GALNTL6: variants seen among roughly 807,000 people sequenced by gnomAD.
GALNTL6 encodes the protein polypeptide N-acetylgalactosaminyltransferase-like 6.
In GALNTL6, 46 loss-of-function variants were observed where a neutral mutation model predicts 73.7. The observed-to-expected ratio is 0.62, with a 90% CI of 0.49 to 0.80. GALNTL6 has a LOEUF of 0.80. Among genes scored for constraint, GALNTL6 ranks in the 30% least tolerant of loss-of-function variants. The pLI is 0.00. For synonymous variants in GALNTL6, 259 were observed against 263.7 expected, an observed-to-expected ratio of 0.98 and a Z score of 0.17; for missense variants, 604 against 755.0, an observed-to-expected ratio of 0.80 and a Z score of 2.34.
intron 11 of GALNTL6, among the ~76,000 whole-genome samples, chr4:173,015,380 G>A (rs1752740137): frequency 1.3e-5 from 2 of 152,210 alleles, no homozygotes; most frequent in African/African-American, 2.4e-5. Flanking sequence ...ATGTGAGAAA[G>A]TTTGGAACTT....
At chr4:172,676,434 C>T (rs930011926) in intron 5 of GALNTL6, among the ~76,000 whole-genome samples, 12 of 152,150 alleles carry the variant, frequency 7.9e-5, no homozygotes, top group African/African-American at 1.2e-4. Flanking sequence ...TGAAAATAGA[C>T]GTCTATTCTA....
chr4:172,339,216 CAG>C (rs1482087816), intron 4 of GALNTL6, among the ~76,000 whole-genome samples: 12 of 150,870 alleles, frequency 8.0e-5, no homozygotes, highest in Admixed American at 7.9e-4. Context: ...ACCTTCATCT[CAG>C]GGGAGCAGGC....
At chr4:172,087,467 A>AC (rs1348734631) in intron 2 of GALNTL6, among the ~76,000 whole-genome samples, 7 of 149,194 alleles carry the variant, frequency 4.7e-5, no homozygotes, top group African/African-American at 1.8e-4. Context: ...AACAAAAAAA[A>AC]CAAAAAAAAC....
intron 2 of GALNTL6, among the ~76,000 whole-genome samples, chr4:172,161,844 G>A (rs191540859): frequency 6.6e-6 from 1 of 152,050 alleles, no homozygotes; most frequent in Non-Finnish European, 1.5e-5. Context: ...CACTTGTAAC[G>A]ACAAGTCAGT....
chr4:172,048,378 G>A (rs953473007), intron 2 of GALNTL6, among the ~76,000 whole-genome samples: 16 of 151,968 alleles, frequency 1.1e-4, no homozygotes, highest in African/African-American at 3.9e-4. Context: ...AACTATTTTG[G>A]GTTAAATTTT....
intron 5 of GALNTL6, among the ~76,000 whole-genome samples, chr4:172,472,474 T>C (rs976116189): frequency 2.0e-5 from 3 of 152,142 alleles, no homozygotes; most frequent in African/African-American, 7.2e-5. Context: ...GGTTTAAGTG[T>C]GTCCTTAAAC....
chr4:172,425,571 A>G (rs1731198447), intron 5 of GALNTL6, among the ~76,000 whole-genome samples: 1 of 152,188 alleles, frequency 6.6e-6, no homozygotes, highest in African/African-American at 2.4e-5. Flanking sequence ...TGTAATTTGA[A>G]CAAGCATGAC....
At chr4:172,324,144 G>T (rs1038803883) in intron 4 of GALNTL6, among the ~76,000 whole-genome samples, 2 of 148,852 alleles carry the variant, frequency 1.3e-5, no homozygotes, top group East Asian at 3.9e-4. Context: ...TTTACATGAT[G>T]TGTGTGTGTA....
chr4:172,993,145 T>C (rs6841441), intron 10 of GALNTL6, among the ~76,000 whole-genome samples: 15,346 of 152,256 alleles, frequency 0.1, 1,153 homozygotes, highest in Admixed American at 0.24. Flanking sequence ...ATTGTCTGTG[T>C]TTGAAGATAG....
chr4:171,844,419 A>C (rs531410968), intron 2 of GALNTL6, among the ~76,000 whole-genome samples: 85 of 151,848 alleles, frequency 5.6e-4, no homozygotes, highest in Non-Finnish European at 8.0e-4. Flanking sequence ...TTCTTGGGAA[A>C]CCCTGGTAGT....
intron 5 of GALNTL6, among the ~76,000 whole-genome samples, chr4:172,720,411 C>T (rs1340123455): frequency 6.6e-6 from 1 of 152,190 alleles, no homozygotes; most frequent in Non-Finnish European, 1.5e-5. Context: ...CTCCTCACTG[C>T]TGCAAACATC....
intron 5 of GALNTL6, among the ~76,000 whole-genome samples, chr4:172,765,788 A>G (rs1225593739): frequency 2.0e-5 from 3 of 152,120 alleles, no homozygotes; most frequent in Non-Finnish European, 4.4e-5. Flanking sequence ...ATATCTCTTC[A>G]TACTCATCCA....
intron 3 of GALNTL6, among the ~76,000 whole-genome samples, chr4:172,305,324 T>C (rs189257442): frequency 3.2e-4 from 49 of 152,256 alleles, no homozygotes; most frequent in Admixed American, 3.1e-3. Flanking sequence ...AAGACAGCAA[T>C]TTTTCTGCTT....
chr4:171,848,121 A>G (rs1735422287), intron 2 of GALNTL6, among the ~76,000 whole-genome samples: 1 of 152,234 alleles, frequency 6.6e-6, no homozygotes, highest in Admixed American at 6.5e-5. Flanking sequence ...TAGATGTTGC[A>G]CTGGCAGCCA....
In GALNTL6 at chr4:172,377,619, G is replaced by A. The variant is rs191947301; in HGVS notation, c.553+28930G>A. ...CCCATCAGGGAGGCTCGGGCCACAC[G>A]GGAGCCCACCGGTTGTGGGGGAGCT... On this transcript the variant is annotated intron_variant, in intron 5 of 12. Coordinates refer to ENST00000506823, the MANE Select transcript of GALNTL6 (RefSeq NM_001034845.3). Among the ~76,000 whole-genome samples the A allele has an allele frequency of 8.3e-3, 1,258 of 152,270 alleles. 15 individuals are homozygous for A. Among genetic ancestry groups the A allele is most frequent in the African/African-American group, 0.028 (1,180 of 41,564 alleles).
chr4:172,540,844 A>C (rs1272989228), intron 5 of GALNTL6, among the ~76,000 whole-genome samples: 1 of 152,214 alleles, frequency 6.6e-6, no homozygotes, highest in African/African-American at 2.4e-5. Context: ...TGTTATATAG[A>C]TGAAGCCTCA....
chr4:172,569,767 CA>C (rs1736692577), intron 5 of GALNTL6, among the ~76,000 whole-genome samples: 1 of 151,428 alleles, frequency 6.6e-6, no homozygotes, highest in Admixed American at 6.6e-5. Context: ...GTAGATTCAG[CA>C]GCAAAGCTAT....
rs571381372 is a variant in GALNTL6 at position 172,916,386 on chromosome 4, T to G, written c.1042-14775T>G. Among the ~76,000 whole-genome samples, 93 of 151,634 alleles carry G rather than the reference T, an allele frequency of 6.1e-4. 1 individual carries two copies. In the South Asian group the frequency reaches 0.013, roughly 22 times the overall value. On this transcript the variant is annotated intron_variant, in intron 8 of 12. Coordinates refer to ENST00000506823, the MANE Select transcript of GALNTL6 (RefSeq NM_001034845.3). ...ACTCCTATTCAACATAGTGTTGGAA[T>G]TTCTGGCCAGGGCAATCAGACAAAA...
intron 3 of GALNTL6, among the ~76,000 whole-genome samples, chr4:172,248,815 A>G (rs1036532231): frequency 2.0e-5 from 3 of 152,098 alleles, no homozygotes; most frequent in Non-Finnish European, 4.4e-5. Flanking sequence ...TCCTGCCACT[A>G]TGTGAAGAAG....
Sources: allele counts gnomAD v4.1 joint callset (sites outside exome capture counted in the v4.1 genomes callset), GRCh38; gene constraint gnomAD v4.1.1; transcripts MANE v1.5; gene names NCBI Gene and HGNC (gene_info 2026-07-23, HGNC 2026-07-21).